Variants in CLIC5 observed in about 807,000 individuals in gnomAD.
The protein encoded by CLIC5 is chloride intracellular channel protein 5.
Under a neutral mutation model 24.7 loss-of-function variants are expected in CLIC5, and 20 were observed. The ratio of observed to expected loss-of-function variants is 0.81; its 90% CI spans 0.57 to 1.18. The LOEUF (loss-of-function observed/expected upper bound fraction) is 1.18, where lower values mean the gene tolerates loss of function less well. Among genes scored for constraint, CLIC5 ranks in the 50% most tolerant of loss-of-function variants. The pLI is 0.00. For missense variants in CLIC5, 341 were observed against 326.1 expected, an observed-to-expected ratio of 1.05 and a Z score of -0.35; for synonymous variants, 159 against 135.6, an observed-to-expected ratio of 1.17 and a Z score of -1.20.
At chr6:46,033,891 G>A (rs1412817889) in intron 1 of CLIC5, among the ~76,000 whole-genome samples, 1 of 152,190 alleles carries the variant, frequency 6.6e-6, no homozygotes, top group Non-Finnish European at 1.5e-5. Context: ...GGTTTTAAGA[G>A]TAAGCAGAGT....
chr6:46,110,537 A>G, the CLIC5 span, among the ~76,000 whole-genome samples: 1 of 152,214 alleles, frequency 6.6e-6, no homozygotes, highest in African/African-American at 2.4e-5. Context: ...CTGGAAGGGC[A>G]TATTTTCAGG....
At chr6:45,992,356 G>A (rs1765971847) in intron 1 of CLIC5, among the ~76,000 whole-genome samples, 1 of 152,206 alleles carries the variant, frequency 6.6e-6, no homozygotes, top group South Asian at 2.1e-4. Flanking sequence ...TACTCTCTGT[G>A]TTTGAAGACT....
chr6:45,988,342 T>A lies in CLIC5; in HGVS notation c.63+27138A>T, dbSNP rs557800449. On this transcript the variant is annotated intron_variant, in intron 1 of 5. Transcript: ENST00000339561. ...CCTTCTTAGCCTGCTGGGGTGGCAG[T>A]TCTGCCCCCATGACTCTGCCAAGTC... Among the ~76,000 whole-genome samples the A allele has an allele frequency of 2.0e-5, 3 of 152,322 alleles. No individual in the cohort carries two copies. In the South Asian group the frequency reaches 6.2e-4, roughly 32 times the overall value.
chr6:46,087,802 T>C, the CLIC5 span, among the ~76,000 whole-genome samples: 2 of 152,274 alleles, frequency 1.3e-5, no homozygotes, highest in South Asian at 2.1e-4. Context: ...GGGCATCCTC[T>C]GAGTCAGGGT....
intron 1 of CLIC5, among the ~76,000 whole-genome samples, chr6:46,054,552 T>C (rs1451687730): frequency 2.0e-5 from 3 of 152,238 alleles, no homozygotes; most frequent in Admixed American, 6.5e-5. Context: ...ATGCCTTTTA[T>C]AGACTATTTG....
rs192427814 is a variant in CLIC5, at chr6:45,995,060, A to T, written c.63+20420T>A. On this transcript the variant is annotated intron_variant, in intron 1 of 5. Transcript: ENST00000339561. ...AATTAAAGAAAGAAATGTTTTTTTT[A>T]AAAAAAACCTCAAGGTGGCCAGGAA... Among the ~76,000 whole-genome samples the T allele has an allele frequency of 7.3e-3, 1,113 of 151,970 alleles. 20 individuals are homozygous for T. Among genetic ancestry groups the T allele is most frequent in the Admixed American group, 0.03 (458 of 15,246 alleles).
intron 1 of CLIC5, among the ~76,000 whole-genome samples, chr6:46,027,070 AG>A (rs1767351325): frequency 6.6e-6 from 1 of 152,200 alleles, no homozygotes; most frequent in Non-Finnish European, 1.5e-5. Flanking sequence ...AATATACCTT[AG>A]GGAATAAAAC....
rs909856791 is a variant in CLIC5, at chr6:46,015,656, G to C, written c.-114C>G. The C allele has an allele frequency of 6.8e-6, 9 of 1,323,644 alleles. No homozygotes were observed. The African/African-American group carries it at 1.4e-4, about 20-fold the overall frequency. The allele number at this position is 1,323,644 out of a possible 1,614,324, so 82.0% of individuals were successfully genotyped here. ...CAGCGGGGCTCCTCTTCAGGGCGGT[G>C]TTTAATTTTTCACAAAACCATCTAT... On this transcript the variant is annotated 5_prime_UTR_variant, in exon 1 of 6. Coordinates refer to ENST00000339561, the MANE Select transcript of CLIC5 (RefSeq NM_016929.5).
At chr6:45,942,446 A>T (rs1050686290) in intron 3 of CLIC5, among the ~76,000 whole-genome samples, 1 of 152,134 alleles carries the variant, frequency 6.6e-6, no homozygotes, top group Admixed American at 6.5e-5. Flanking sequence ...CATTAGCCCC[A>T]TCAAAATGAA....
intron 1 of CLIC5, among the ~76,000 whole-genome samples, chr6:45,977,736 G>A (rs1765432229): frequency 6.6e-6 from 1 of 151,920 alleles, no homozygotes; most frequent in African/African-American, 2.4e-5. Context: ...TCTCTCTTTT[G>A]GACAGCATTA....
chr6:45,965,393 A>G (rs920039517), intron 1 of CLIC5, among the ~76,000 whole-genome samples: 6 of 152,208 alleles, frequency 3.9e-5, no homozygotes, highest in African/African-American at 1.4e-4. Flanking sequence ...CAAGGAATAT[A>G]GATGGTTGAA....
chr6:45,989,699 G>A (rs1765863773), intron 1 of CLIC5, among the ~76,000 whole-genome samples: 1 of 152,170 alleles, frequency 6.6e-6, no homozygotes, highest in Non-Finnish European at 1.5e-5. Flanking sequence ...AGTTAGCTGG[G>A]GCAAGGTAGG....
At chr6:45,935,650 G>T (rs1763903625) in intron 4 of CLIC5, among the ~76,000 whole-genome samples, 1 of 152,188 alleles carries the variant, frequency 6.6e-6, no homozygotes, top group Non-Finnish European at 1.5e-5. Flanking sequence ...CCATCTCAAA[G>T]ATGCTCTTTC....
intron 1 of CLIC5, among the ~76,000 whole-genome samples, chr6:46,022,788 G>A (rs1180186245): frequency 1.3e-5 from 2 of 152,010 alleles, no homozygotes; most frequent in Non-Finnish European, 2.9e-5. Context: ...GTGTTTTCGG[G>A]GTGTCTACTA....
intron 5 of CLIC5, among the ~76,000 whole-genome samples, chr6:45,906,884 C>T (rs1490721457): frequency 1.3e-5 from 2 of 152,180 alleles, no homozygotes; most frequent in African/African-American, 4.8e-5. Flanking sequence ...TATACTGAGA[C>T]TTTACTGAAG....
At chr6:45,912,220 G>A (rs1270738268) in intron 5 of CLIC5, 2 of 987,584 alleles carry the variant, frequency 2.0e-6, no homozygotes, top group South Asian at 4.7e-5. Flanking sequence ...GGTTTGCCAG[G>A]TTTCTGGGAT....
the CLIC5 span, among the ~76,000 whole-genome samples, chr6:46,092,884 A>G: frequency 6.6e-6 from 1 of 152,170 alleles, no homozygotes; most frequent in Admixed American, 6.5e-5. Flanking sequence ...ATAAATGAAC[A>G]TATCTGTCTA....
intron 1 of CLIC5, among the ~76,000 whole-genome samples, chr6:46,034,007 C>CAT (rs1767593475): frequency 6.6e-6 from 1 of 152,214 alleles, no homozygotes; most frequent in South Asian, 2.1e-4. Context: ...GAACTTGCCA[C>CAT]ATGTTAGTAT....
chr6:46,113,056 A>G, the CLIC5 span, among the ~76,000 whole-genome samples: 6 of 152,162 alleles, frequency 3.9e-5, no homozygotes, highest in Admixed American at 2.0e-4. Flanking sequence ...AATCTGTCTC[A>G]AAAAACAAAA....
Sources: allele counts gnomAD v4.1 joint callset (sites outside exome capture counted in the v4.1 genomes callset), GRCh38; gene constraint gnomAD v4.1.1; transcripts MANE v1.5; gene names NCBI Gene and HGNC (gene_info 2026-07-23, HGNC 2026-07-21).